Variants in FRMD4A observed in about 807,000 individuals in gnomAD.
FRMD4A encodes FERM domain-containing protein 4A.
In FRMD4A, 29 loss-of-function variants were observed where a neutral mutation model predicts 129.1. The observed-to-expected ratio is 0.22, with a 90% CI of 0.17 to 0.31. The LOEUF (loss-of-function observed/expected upper bound fraction) is 0.31. Ranked by LOEUF, FRMD4A falls within the 10% of genes least tolerant of loss-of-function variation. The pLI is 1.00. For missense variants in FRMD4A, 1,272 were observed against 1,375.8 expected (o/e 0.92, Z 1.19); for synonymous variants, 634 against 571.6 (o/e 1.11, Z -1.56).
At chr10:13,958,392 T>A (rs1334113850) in intron 2 of FRMD4A, among the ~76,000 whole-genome samples, 1 of 148,282 alleles carries the variant, frequency 6.7e-6, no homozygotes, top group Non-Finnish European at 1.5e-5. Context: ...CACGCCATTC[T>A]CCTGCCTCAG....
At chr10:13,953,989 T>G (rs1478967494) in intron 2 of FRMD4A, among the ~76,000 whole-genome samples, 1 of 152,176 alleles carries the variant, frequency 6.6e-6, no homozygotes, top group Non-Finnish European at 1.5e-5. Context: ...AGAATCACCA[T>G]AGGGCAGCAG....
chr10:14,035,991 G>A (rs368998349), intron 2 of FRMD4A, among the ~76,000 whole-genome samples: 4 of 149,124 alleles, frequency 2.7e-5, no homozygotes, highest in East Asian at 2.0e-4. Context: ...GCAGTGAGCC[G>A]ACATCGTGCC....
intron 5 of FRMD4A, among the ~76,000 whole-genome samples, chr10:13,787,266 A>G (rs2092888679): frequency 6.6e-6 from 1 of 152,012 alleles, no homozygotes; most frequent in South Asian, 2.1e-4. Flanking sequence ...CTGTTAGGGG[A>G]GGGTATGGAG....
intron 2 of FRMD4A, among the ~76,000 whole-genome samples, chr10:14,145,229 C>G (rs1451832818): frequency 6.6e-6 from 1 of 152,224 alleles, no homozygotes; most frequent in African/African-American, 2.4e-5. Flanking sequence ...ACCTCGAATT[C>G]TATTCCTAAC....
At chr10:13,952,392 T>C (rs939688736) in intron 2 of FRMD4A, among the ~76,000 whole-genome samples, 1 of 151,854 alleles carries the variant, frequency 6.6e-6, no homozygotes, top group Admixed American at 6.6e-5. Context: ...TCCCAGTTGC[T>C]TGGGAGGCTG....
At chr10:14,060,715 G>A (rs1834767377) in intron 2 of FRMD4A, among the ~76,000 whole-genome samples, 1 of 152,146 alleles carries the variant, frequency 6.6e-6, no homozygotes, top group South Asian at 2.1e-4. Flanking sequence ...GGGTGATCAA[G>A]GCAACATTCT....
chr10:14,321,344 T>A (rs1362692664), intron 2 of FRMD4A, among the ~76,000 whole-genome samples: 3 of 146,144 alleles, frequency 2.1e-5, no homozygotes, highest in African/African-American at 7.6e-5. Context: ...TATATATGAA[T>A]GAATATATAT....
chr10:13,720,573 CAAATAAATAAG>C (rs1231082748), intron 12 of FRMD4A, among the ~76,000 whole-genome samples: 19 of 152,078 alleles, frequency 1.2e-4, no homozygotes, highest in African/African-American at 4.6e-4. Flanking sequence ...GAGAGGTGGG[CAAATAAATAAG>C]AAATAAATAA....
chr10:14,300,588 G>A (rs771457582), intron 2 of FRMD4A, among the ~76,000 whole-genome samples: 3 of 152,160 alleles, frequency 2.0e-5, no homozygotes, highest in Admixed American at 6.6e-5. Context: ...AGGCAGGGTT[G>A]GTCCCTACTT....
chr10:13,737,525 A>G (rs1483521796), intron 12 of FRMD4A, among the ~76,000 whole-genome samples: 1 of 152,196 alleles, frequency 6.6e-6, no homozygotes, highest in Non-Finnish European at 1.5e-5. Context: ...CAAAGAATAC[A>G]GCCCTGCCCG....
chr10:14,003,236 C>T (rs1261024980), intron 2 of FRMD4A, among the ~76,000 whole-genome samples: 4 of 152,130 alleles, frequency 2.6e-5, no homozygotes, highest in Admixed American at 6.5e-5. Context: ...CTGGAATGGA[C>T]AGTGCCTTGT....
intron 2 of FRMD4A, among the ~76,000 whole-genome samples, chr10:14,312,330 GTCTCCGTACT>G (rs1468448408): frequency 6.6e-6 from 1 of 152,146 alleles, no homozygotes; most frequent in African/African-American, 2.4e-5. Flanking sequence ...TTTTCCTGTA[GTCTCCGTACT>G]TCTGATCAGC....
chr10:13,959,694 C>T (rs1324867731), intron 2 of FRMD4A, among the ~76,000 whole-genome samples: 1 of 152,028 alleles, frequency 6.6e-6, no homozygotes. Flanking sequence ...GAAAATGAGG[C>T]CACTCCAAGC....
chr10:13,701,635 A>G (rs2086842775), intron 13 of FRMD4A, among the ~76,000 whole-genome samples, 157 bp from the exon 14 acceptor site: 1 of 152,152 alleles, frequency 6.6e-6, no homozygotes, highest in Non-Finnish European at 1.5e-5. Flanking sequence ...ACACACACAC[A>G]TGCGCACACA....
At position 13,666,262 on chromosome 10, in the gene FRMD4A, G is replaced by A. The variant is rs369125052; in HGVS notation, c.1438C>T (p.Arg480Cys). 146 of 1,613,946 alleles carry A rather than the reference G, an allele frequency of 9.0e-5. No homozygotes were observed. The highest frequency in any genetic ancestry group is 1.6e-4 in the Middle Eastern group (1 of 6,084). The change falls in exon 18 of 25, where the codon CGC becomes TGC. Residue 480 changes from arginine to cysteine, a missense_variant. Transcript: ENST00000357447. ...ACGTTGGGGTCACTGGCTAGGCGGC[G>A]GGCGGCCTCCGTAATCTGGGACTGA... is the stretch of plus-strand genomic sequence containing the variant. ...AIQSQITEAA[R>C]RLASDPNVSK...
intron 2 of FRMD4A, among the ~76,000 whole-genome samples, chr10:14,124,099 C>T (rs1419588357): frequency 6.6e-6 from 1 of 152,126 alleles, no homozygotes; most frequent in East Asian, 1.9e-4. Flanking sequence ...GTAAATGAAA[C>T]TGTCCTGAGC....
intron 2 of FRMD4A, chr10:13,890,843 G>A (rs773520664): frequency 1.9e-5 from 19 of 985,122 alleles, no homozygotes; most frequent in Non-Finnish European, 2.2e-5. Flanking sequence ...TTAAGAAGCC[G>A]TCGCCAGAGC....
intron 2 of FRMD4A, among the ~76,000 whole-genome samples, chr10:13,884,182 A>ACACACACACACACACTCACACACACGCT (rs2094586258): frequency 3.5e-5 from 2 of 56,422 alleles, no homozygotes; most frequent in African/African-American, 1.2e-4. Context: ...ACACTCACAC[A>ACACACACACACACACTCACACACACGCT]CACACACACA....
intron 15 of FRMD4A, among the ~76,000 whole-genome samples, chr10:13,683,576 A>G (rs1176252238): frequency 6.6e-6 from 1 of 152,034 alleles, no homozygotes; most frequent in Non-Finnish European, 1.5e-5. Context: ...CAGCCTGGGT[A>G]ACAGAGTGAG....
Sources: allele counts gnomAD v4.1 joint callset (sites outside exome capture counted in the v4.1 genomes callset), GRCh38; gene constraint gnomAD v4.1.1; transcripts MANE v1.5; gene names NCBI Gene and HGNC (gene_info 2026-07-23, HGNC 2026-07-21).